Variants in FMN1 observed in about 807,000 individuals in gnomAD.
The protein encoded by FMN1 is formin-1.
In FMN1, 110 loss-of-function variants were observed where a neutral mutation model predicts 132.4. The observed-to-expected ratio is 0.83, with a 90% CI of 0.71 to 0.97. FMN1 has a LOEUF of 0.97. Ranked by LOEUF, FMN1 falls within the 50% of genes least tolerant of loss-of-function variation. The pLI is 0.00. For synonymous variants in FMN1, 722 were observed against 651.7 expected, an observed-to-expected ratio of 1.11 and a Z score of -1.64; for missense variants, 1,792 against 1,705.3, an observed-to-expected ratio of 1.05 and a Z score of -0.90.
chr15:32,856,013 C>T (rs955628932), intron 17 of FMN1, among the ~76,000 whole-genome samples: 6 of 152,134 alleles, frequency 3.9e-5, no homozygotes, highest in African/African-American at 2.4e-5. Context: ...ATACAGACAA[C>T]CTTTCATCAT....
intron 7 of FMN1, among the ~76,000 whole-genome samples, chr15:33,003,369 A>T (rs1057092764): frequency 2.0e-5 from 3 of 152,172 alleles, no homozygotes; most frequent in Non-Finnish European, 4.4e-5. Flanking sequence ...ATACAAAATC[A>T]ATGTGCAAAA....
chr15:33,001,966 T>C (rs914001674), intron 7 of FMN1, among the ~76,000 whole-genome samples: 1 of 152,114 alleles, frequency 6.6e-6, no homozygotes, highest in East Asian at 1.9e-4. Context: ...CCAAATATTT[T>C]AGGTGATAGG....
At chr15:33,128,202 A>G (rs1963299663) in intron 4 of FMN1, among the ~76,000 whole-genome samples, 1 of 152,194 alleles carries the variant, frequency 6.6e-6, no homozygotes, top group Admixed American at 6.5e-5. Flanking sequence ...CCGGGAAAAA[A>G]AGCAAAAAGC....
At chr15:32,925,203 C>T (rs375957561) in intron 10 of FMN1, among the ~76,000 whole-genome samples, 2 of 152,120 alleles carry the variant, frequency 1.3e-5, no homozygotes, top group South Asian at 2.1e-4. Flanking sequence ...GTATTCCTCC[C>T]TAGAAGTATT....
chr15:33,193,614 C>A (rs4074008), intron 2 of FMN1, among the ~76,000 whole-genome samples: 147,903 of 152,188 alleles, frequency 0.97, 72,022 homozygotes, highest in East Asian at 1. Context: ...CAGTGACTGC[C>A]ACTCCCCATA....
intron 9 of FMN1, among the ~76,000 whole-genome samples, chr15:32,930,494 T>C (rs889428809): frequency 1.3e-5 from 2 of 152,142 alleles, no homozygotes; most frequent in South Asian, 2.1e-4. Flanking sequence ...CCCTGGTGAT[T>C]AGTGATGTTG....
intron 6 of FMN1, among the ~76,000 whole-genome samples, chr15:33,053,163 G>A (rs901874541): frequency 6.6e-6 from 1 of 152,186 alleles, no homozygotes; most frequent in Non-Finnish European, 1.5e-5. Flanking sequence ...TGTAGAACTA[G>A]GCCTTTGCCC....
intron 6 of FMN1, among the ~76,000 whole-genome samples, chr15:33,061,095 A>G (rs1034613436): frequency 6.6e-5 from 10 of 152,208 alleles, no homozygotes; most frequent in African/African-American, 2.4e-4. Flanking sequence ...TAGAGGACCT[A>G]AAATACATGT....
intron 9 of FMN1, among the ~76,000 whole-genome samples, chr15:32,959,869 C>T (rs1360869771): frequency 1.3e-5 from 2 of 152,250 alleles, no homozygotes; most frequent in South Asian, 4.1e-4. Context: ...AGAGTAATAG[C>T]AATCTAAGAA....
chr15:33,092,614 G>C (rs2038943872), intron 4 of FMN1, among the ~76,000 whole-genome samples: 1 of 152,158 alleles, frequency 6.6e-6, no homozygotes, highest in South Asian at 2.1e-4. Context: ...AGTCCTGCAA[G>C]CCTGGAGCCA....
chr15:32,879,705 G>A (rs776933301), intron 16 of FMN1, among the ~76,000 whole-genome samples: 9 of 152,006 alleles, frequency 5.9e-5, no homozygotes, highest in Non-Finnish European at 1.2e-4. Flanking sequence ...GCTAAGTGAT[G>A]TGGCAAAGTG....
At chr15:32,871,142 G>A (rs536193431) in intron 16 of FMN1, among the ~76,000 whole-genome samples, 142 of 152,304 alleles carry the variant, frequency 9.3e-4, no homozygotes, top group African/African-American at 3.2e-3. Context: ...CGGGAGGAGA[G>A]CAGCGACTAA....
At chr15:32,981,272 A>T (rs1211694428) in intron 7 of FMN1, among the ~76,000 whole-genome samples, 1 of 151,968 alleles carries the variant, frequency 6.6e-6, no homozygotes, top group Non-Finnish European at 1.5e-5. Flanking sequence ...CGGGTGGATC[A>T]TGAGGTCAGG....
intron 7 of FMN1, among the ~76,000 whole-genome samples, chr15:32,996,656 A>C (rs2033788289): frequency 6.6e-6 from 1 of 152,214 alleles, no homozygotes; most frequent in South Asian, 2.1e-4. Context: ...TATTATTGTT[A>C]TTCCTCCAGG....
Position 33,069,993 on chromosome 15 carries a change from C to CTCTCTTTT in FMN1, c.2044-4920_2044-4919insAAAAGAGA, listed in dbSNP as rs398026774. Among the ~76,000 whole-genome samples, 130 of 74,330 alleles carry CTCTCTTTT rather than the reference C, an allele frequency of 1.7e-3. 1 individual carries two copies. The highest frequency in any genetic ancestry group is 5.6e-3 in the African/African-American group (107 of 19,058). 48.8% of individuals were successfully genotyped at this position (74,330 alleles called of 152,430 possible). A position where few individuals can be genotyped will look rare whatever the true frequency, so the allele number is the denominator to read the frequency against. On this transcript the variant is annotated intron_variant, in intron 5 of 20. Transcript: ENST00000616417. ...AACAGATCATAAGATCAGTCTTTCT[C>CTCTCTTTT]TTTTTTTTTTTTTTTTTTTTTTTTT... is the stretch of plus-strand genomic sequence containing the variant.
At chr15:32,782,026 G>A (rs2056681583) in intron 19 of FMN1, among the ~76,000 whole-genome samples, 1 of 152,132 alleles carries the variant, frequency 6.6e-6, no homozygotes, top group Non-Finnish European at 1.5e-5. Context: ...TCTATTTACA[G>A]CTTAAGTGTC....
In FMN1 at chr15:33,008,818, A is replaced by G. The variant is rs181773298; in HGVS notation, c.2162-743T>C. ...TCTAGGTGTGTGGGGTCATGGAACT[A>G]TACAGGCTGCAGAGAACCACAAGAC... On this transcript the variant is annotated intron_variant, in intron 6 of 20. Coordinates refer to ENST00000616417, the MANE Select transcript of FMN1 (RefSeq NM_001277313.2). 2.5e-3 allele frequency among the ~76,000 whole-genome samples: 381 copies of G among 152,336 alleles called. 1 individual carries two copies. The highest frequency in any genetic ancestry group is 8.7e-3 in the African/African-American group (363 of 41,578).
At chr15:32,799,669 C>CGA (rs2057412648) in intron 18 of FMN1, among the ~76,000 whole-genome samples, 2 of 152,178 alleles carry the variant, frequency 1.3e-5, no homozygotes, top group Non-Finnish European at 2.9e-5. Flanking sequence ...TAAAGAATCC[C>CGA]AATTTTCCAG....
chr15:32,934,529 G>C (rs1363783516), intron 9 of FMN1, among the ~76,000 whole-genome samples: 1 of 150,770 alleles, frequency 6.6e-6, no homozygotes, highest in South Asian at 2.1e-4. Flanking sequence ...TAGTGGTCAT[G>C]AACACCCTAC....
Sources: allele counts gnomAD v4.1 joint callset (sites outside exome capture counted in the v4.1 genomes callset), GRCh38; gene constraint gnomAD v4.1.1; transcripts MANE v1.5; gene names NCBI Gene and HGNC (gene_info 2026-07-23, HGNC 2026-07-21).